The following EYS variants were observed in gnomAD, a reference collection of about 807,000 sequenced individuals.
EYS encodes the protein protein eyes shut homolog.
Under a neutral mutation model 282.1 loss-of-function variants are expected in EYS, and 250 were observed. That is an observed-to-expected ratio of 0.89 (90% CI 0.80 to 0.98). EYS has a LOEUF of 0.98. Ranked by LOEUF, EYS falls within the 50% of genes least tolerant of loss-of-function variation. The probability of loss-of-function intolerance (pLI) is 0.00; values close to 1 mark genes in which losing one functional copy is unlikely to be tolerated. For synonymous variants in EYS, 1,355 were observed against 1,282.9 expected (o/e 1.06, Z -1.20); for missense variants, 4,016 against 3,709.0 (o/e 1.08, Z -2.15).
chr6:65,610,279 C>A (rs560496561), intron 2 of EYS, among the ~76,000 whole-genome samples: 1 of 151,430 alleles, frequency 6.6e-6, no homozygotes, highest in Non-Finnish European at 1.5e-5. Flanking sequence ...CTTTTTTTCC[C>A]CCTTTTTTAA....
chr6:64,653,730 AT>A lies in EYS; in HGVS notation c.3444-27486del, dbSNP rs10680654. ...CAGGCTCATACCACCATGCCCAGCT[AT>A]TTTTTTTTTTTTTGGTAGAGATGAG... On this transcript the variant is annotated intron_variant, in intron 22 of 42. Coordinates refer to ENST00000503581, the MANE Select transcript of EYS (RefSeq NM_001142800.2). 1.3e-3 allele frequency among the ~76,000 whole-genome samples: 184 copies of A among 136,862 alleles called. 1 individual carries two copies. The highest frequency in any genetic ancestry group is 2.7e-3 in the African/African-American group (100 of 36,490). The allele number at this position is 136,862 out of a possible 152,430, so 89.8% of individuals were successfully genotyped here.
chr6:64,578,867 A>G (rs114377981), intron 26 of EYS, among the ~76,000 whole-genome samples: 160 of 152,226 alleles, frequency 1.1e-3, no homozygotes, highest in Non-Finnish European at 1.8e-3. Context: ...GGTTTAAGTA[A>G]TATCTTAATT....
At chr6:64,357,872 G>A (rs550814254) in intron 29 of EYS, among the ~76,000 whole-genome samples, 2 of 151,690 alleles carry the variant, frequency 1.3e-5, no homozygotes, top group South Asian at 4.1e-4. Context: ...CACCACTGAT[G>A]TAGTCTAATG....
chr6:65,231,353 A>G (rs181495387), intron 12 of EYS, among the ~76,000 whole-genome samples: 189 of 151,540 alleles, frequency 1.2e-3, no homozygotes, highest in Middle Eastern at 3.4e-3. Flanking sequence ...ATATGCATGT[A>G]TTTATTTGAA....
intron 12 of EYS, among the ~76,000 whole-genome samples, chr6:65,280,733 C>A (rs1768193167): frequency 6.6e-6 from 1 of 151,582 alleles, no homozygotes. Flanking sequence ...AATAATAACA[C>A]CTGGCTGGGC....
At chr6:64,046,162 A>T (rs1770618705) in intron 33 of EYS, among the ~76,000 whole-genome samples, 1 of 150,012 alleles carries the variant, frequency 6.7e-6, no homozygotes, top group South Asian at 2.1e-4. Context: ...TAAAATACAT[A>T]TGTAATATAT....
intron 22 of EYS, among the ~76,000 whole-genome samples, chr6:64,692,897 T>C (rs1250530175): frequency 6.6e-6 from 1 of 150,636 alleles, no homozygotes; most frequent in African/African-American, 2.4e-5. Context: ...ACAGCTGCTC[T>C]GTAGTACAGC....
chr6:65,606,503 A>C (rs1214649505), intron 2 of EYS, among the ~76,000 whole-genome samples: 1 of 151,822 alleles, frequency 6.6e-6, no homozygotes, highest in East Asian at 1.9e-4. Flanking sequence ...CATGAGTTCA[A>C]AGAAGAAATG....
intron 14 of EYS, among the ~76,000 whole-genome samples, chr6:64,980,783 G>C (rs148330067): frequency 1.3e-5 from 2 of 151,372 alleles, no homozygotes; most frequent in Admixed American, 6.6e-5. Context: ...CCAGGCCTAA[G>C]ACTTTAATAG....
At chr6:63,991,434 T>C (rs1377659843) in intron 34 of EYS, among the ~76,000 whole-genome samples, 3 of 151,566 alleles carry the variant, frequency 2.0e-5, no homozygotes, top group Non-Finnish European at 4.4e-5. Flanking sequence ...AAATTCGAAG[T>C]AACCATTTTG....
intron 22 of EYS, among the ~76,000 whole-genome samples, chr6:64,681,532 C>T (rs147108629): frequency 2.2e-3 from 340 of 152,246 alleles, no homozygotes; most frequent in South Asian, 0.01. Context: ...GTGGGGCTGG[C>T]GAGGGCTCTT....
chr6:65,702,612 A>G (rs1351755711), intron 1 of EYS, among the ~76,000 whole-genome samples: 1 of 152,144 alleles, frequency 6.6e-6, no homozygotes, highest in Non-Finnish European at 1.5e-5. Flanking sequence ...GAATCGCTTG[A>G]CCCTGGGAGG....
rs1163533009 is a variant in EYS, at chr6:64,018,759, GTTTTTTTTTTTTT to G, written c.6726-19589_6726-19577del. On this transcript the variant is annotated intron_variant, in intron 33 of 42. Coordinates refer to ENST00000503581, the MANE Select transcript of EYS (RefSeq NM_001142800.2). ...GAGTGTCCTGAATGTCATCACAAGTGTTTTTTTTTTTTTTTTTTTTTTTTTTTTTTGTCGAGAC... is the reference window on the plus strand; with the variant it reads ...GAGTGTCCTGAATGTCATCACAAGTGTTTTTTTTTTTTTTTTTGTCGAGAC... Among the ~76,000 whole-genome samples, 71 of 53,894 alleles carry G rather than the reference GTTTTTTTTTTTTT, an allele frequency of 1.3e-3. 1 individual carries two copies. Among genetic ancestry groups the G allele is most frequent in the African/African-American group, 4.3e-3 (57 of 13,318 alleles). The allele number at this position is 53,894 out of a possible 152,430, so 35.4% of individuals were successfully genotyped here.
intron 5 of EYS, among the ~76,000 whole-genome samples, chr6:65,465,385 G>C (rs2150412452): frequency 6.6e-6 from 1 of 152,108 alleles, no homozygotes; most frequent in East Asian, 1.9e-4. Flanking sequence ...CCTGAGGTGG[G>C]AAAATCACTT....
intron 41 of EYS, among the ~76,000 whole-genome samples, chr6:63,745,172 C>T (rs537592821): frequency 4.7e-4 from 72 of 152,278 alleles, no homozygotes; most frequent in African/African-American, 1.7e-3. Context: ...TGTTCAAGGA[C>T]ATGTGGACAA....
chr6:64,046,168 T>C (rs1770619043), intron 33 of EYS, among the ~76,000 whole-genome samples: 1 of 149,588 alleles, frequency 6.7e-6, no homozygotes, highest in African/African-American at 2.4e-5. Flanking sequence ...ACATATGTAA[T>C]ATATTTTAGA....
intron 22 of EYS, among the ~76,000 whole-genome samples, chr6:64,704,506 A>ATT (rs1770915460): frequency 4.6e-5 from 1 of 21,756 alleles, no homozygotes; most frequent in Admixed American, 5.2e-4. Context: ...TAATACTTAT[A>ATT]ATAATATTAT....
intron 28 of EYS, among the ~76,000 whole-genome samples, chr6:64,396,145 T>C (rs1366105692): frequency 1.3e-5 from 2 of 152,058 alleles, no homozygotes; most frequent in African/African-American, 4.8e-5. Flanking sequence ...TTTTGAGATA[T>C]ATATTTTTGA....
At chr6:64,566,830 G>T (rs1465177543) in intron 26 of EYS, among the ~76,000 whole-genome samples, 1 of 152,082 alleles carries the variant, frequency 6.6e-6, no homozygotes, top group Non-Finnish European at 1.5e-5. Context: ...CTGGAATGTA[G>T]TGCCATGATT....
Sources: allele counts gnomAD v4.1 joint callset (sites outside exome capture counted in the v4.1 genomes callset), GRCh38; gene constraint gnomAD v4.1.1; transcripts MANE v1.5; gene names NCBI Gene and HGNC (gene_info 2026-07-23, HGNC 2026-07-21).